ABLIM2: variants seen among roughly 807,000 people sequenced by gnomAD.
ABLIM2 encodes the protein actin-binding LIM protein 2.
A neutral mutation model predicts 97.7 loss-of-function variants in ABLIM2; 53 were observed. The observed-to-expected ratio is 0.54, with a 90% CI of 0.44 to 0.68. ABLIM2 has a LOEUF of 0.68. Among genes scored for constraint, ABLIM2 ranks in the 30% least tolerant of loss-of-function variants. The probability of loss-of-function intolerance (pLI) is 0.00; values close to 1 mark genes in which losing one functional copy is unlikely to be tolerated. For synonymous variants in ABLIM2, 361 were observed against 345.8 expected (o/e 1.04, Z -0.49); for missense variants, 835 against 867.2 (o/e 0.96, Z 0.47).
intron 3 of ABLIM2, among the ~76,000 whole-genome samples, chr4:8,092,333 A>T (rs7669966): frequency 0.28 from 42,727 of 151,954 alleles, 6,047 homozygotes; most frequent in East Asian, 0.32. Context: ...TGTGAAAGAC[A>T]ATAGAATCTC....
rs1159922779 is a variant in ABLIM2, at chr4:8,130,745, C to A, written c.11-24108G>T. Among the ~76,000 whole-genome samples the A allele has an allele frequency of 6.6e-6, 1 of 152,148 alleles. No individual in the cohort carries two copies. The highest frequency in any genetic ancestry group is 1.5e-5 in the Non-Finnish European group (1 of 68,020). On this transcript the variant is annotated intron_variant, in intron 1 of 20. Coordinates refer to ENST00000447017, the MANE Select transcript of ABLIM2 (RefSeq NM_001130083.2). The surrounding 1 kb of genome is among the most constrained non-coding windows in gnomAD (Gnocchi z 4.2). ...TAGCCAGGCCCAGGGAGGGGAGAGACGGTCTGGGCAGAGAGCAGTACAACA... is the reference window on the plus strand; with the variant it reads ...TAGCCAGGCCCAGGGAGGGGAGAGAAGGTCTGGGCAGAGAGCAGTACAACA...
Position 8,091,329 on chromosome 4 carries a change from A to T in ABLIM2, c.339-3045T>A, listed in dbSNP as rs866038653. Among the ~76,000 whole-genome samples the T allele has an allele frequency of 3.1e-3, 65 of 20,814 alleles. 4 individuals carry two copies. Among genetic ancestry groups the T allele is most frequent in the African/African-American group, 0.019 (58 of 3,078 alleles). 13.7% of individuals were successfully genotyped at this position (20,814 alleles called of 152,430 possible). ...ATTATATATATATAATTATATATAT[A>T]TTATATATATAATATATATATAATT... is the stretch of plus-strand genomic sequence containing the variant. On this transcript the variant is annotated intron_variant, in intron 3 of 20. Coordinates refer to ENST00000447017, the MANE Select transcript of ABLIM2 (RefSeq NM_001130083.2).
At position 8,113,530 on chromosome 4, in the gene ABLIM2, C is replaced by T. The variant is rs1841342948; in HGVS notation, c.11-6893G>A. ...TTGGCCAAAGACCAGCAGCTGTGCT[C>T]GCCTTGTTCTCTTGCTTTCCTCATT... On this transcript the variant is annotated intron_variant, in intron 1 of 20. Transcript: ENST00000447017. This position sits in a 1 kb window ranked among gnomAD's most constrained non-coding sequence, Gnocchi z 4.5. 1.3e-5 allele frequency among the ~76,000 whole-genome samples: 2 copies of T among 152,212 alleles called. No homozygotes were observed. Among genetic ancestry groups the T allele is most frequent in the Admixed American group, 1.3e-4 (2 of 15,286 alleles).
intron 11 of ABLIM2, among the ~76,000 whole-genome samples, chr4:8,028,770 T>G (rs896777281): frequency 1.7e-4 from 26 of 152,232 alleles, no homozygotes; most frequent in Non-Finnish European, 3.4e-4. Context: ...CATTCACTCA[T>G]GCACTCACTC....
chr4:8,113,384 C>T lies in ABLIM2; in HGVS notation c.11-6747G>A, dbSNP rs1040056439. Among the ~76,000 whole-genome samples, 5 of 152,170 alleles carry T rather than the reference C, an allele frequency of 3.3e-5. No homozygotes were observed. The highest frequency in any genetic ancestry group is 2.0e-4 in the Admixed American group (3 of 15,270). The stretch of plus-strand genomic sequence containing the variant: ...TGCTGGGATTACAGGCATGAGCCAC[C>T]GTGCCTGGCTGGGGATTTGCTTGAC... On this transcript the variant is annotated intron_variant, in intron 1 of 20. Coordinates refer to ENST00000447017, the MANE Select transcript of ABLIM2 (RefSeq NM_001130083.2). This position sits in a 1 kb window ranked among gnomAD's most constrained non-coding sequence, Gnocchi z 4.5.
In ABLIM2 at chr4:8,082,293, C is replaced by T. The variant is rs981776010; in HGVS notation, c.455-1491G>A. 1.3e-5 allele frequency among the ~76,000 whole-genome samples: 2 copies of T among 152,310 alleles called. No homozygotes were observed. Among genetic ancestry groups the T allele is most frequent in the East Asian group, 1.9e-4 (1 of 5,184 alleles). On this transcript the variant is annotated intron_variant, in intron 4 of 20. Transcript: ENST00000447017. The surrounding 1 kb of genome is among the most constrained non-coding windows in gnomAD (Gnocchi z 5.6). ...CCACTATGCGCTGGGTCACACTGAG[C>T]GTATTCCTCCTGCGGGAGCCCCCAT...
rs369991296 is a variant in ABLIM2, at chr4:8,027,724, T to C, written c.1267+35A>G. ...CACAGACGCCGGGCGTGGACACCCA[T>C]GAGCACCCACAGCCCACATCACTGC... is the stretch of plus-strand genomic sequence containing the variant. On this transcript the variant is annotated intron_variant, in intron 12 of 20. Transcript: ENST00000447017. 5.6e-4 allele frequency: 830 copies of C among 1,488,008 alleles called. 4 individuals carry two copies. The Middle Eastern group carries it at 0.016, about 29-fold the overall frequency. 92.2% of individuals were successfully genotyped at this position (1,488,008 alleles called of 1,614,324 possible). A position where few individuals can be genotyped will look rare whatever the true frequency, so the allele number is the denominator to read the frequency against.
chr4:8,036,094 G>GC (rs1210213232), intron 10 of ABLIM2, 55 bp downstream of exon 10: 2 of 1,595,664 alleles, frequency 1.3e-6, no homozygotes, highest in Non-Finnish European at 1.7e-6. Flanking sequence ...CGCCTGTCCT[G>GC]CAGGGCAGCA....
intron 5 of ABLIM2, among the ~76,000 whole-genome samples, chr4:8,078,049 C>T (rs370339922): frequency 6.6e-6 from 1 of 152,198 alleles, no homozygotes; most frequent in African/African-American, 2.4e-5. Flanking sequence ...CTTTCTGGCT[C>T]CTTCCATCCA....
rs766029851 is a variant in ABLIM2 at position 8,087,761 on chromosome 4, G to A, written c.454+408C>T. ...GAAAGCAGCAGTGGGCATTAGATGG[G>A]AAAGCAGCAGTGGGCATTAGATGGG... On this transcript the variant is annotated intron_variant, in intron 4 of 20. Coordinates refer to ENST00000447017, the MANE Select transcript of ABLIM2 (RefSeq NM_001130083.2). The surrounding 1 kb of genome is among the most constrained non-coding windows in gnomAD (Gnocchi z 4.6). 1.3e-5 allele frequency among the ~76,000 whole-genome samples: 2 copies of A among 152,130 alleles called. No individual in the cohort carries two copies. Among genetic ancestry groups the A allele is most frequent in the Non-Finnish European group, 2.9e-5 (2 of 68,026 alleles).
chr4:8,054,160 A>C lies in ABLIM2; in HGVS notation c.822+28T>G. ...ATGGTGCAGGAGCAGTGAAGGGTAC[A>C]TCAGAGACACCAGTGAATGCCACCA... On this transcript the variant is annotated intron_variant, in intron 8 of 20. Coordinates refer to ENST00000447017, the MANE Select transcript of ABLIM2 (RefSeq NM_001130083.2). The surrounding 1 kb of genome is among the most constrained non-coding windows in gnomAD (Gnocchi z 4.9). 6.2e-7 allele frequency: 1 copy of C among 1,612,806 alleles called. No homozygotes were observed. Among genetic ancestry groups the C allele is most frequent in the Non-Finnish European group, 8.5e-7 (1 of 1,178,772 alleles).
chr4:8,082,937 TG>T lies in ABLIM2; in HGVS notation c.455-2136del, dbSNP rs1305520016. On this transcript the variant is annotated intron_variant, in intron 4 of 20. Transcript: ENST00000447017. The surrounding 1 kb of genome is among the most constrained non-coding windows in gnomAD (Gnocchi z 5.6). ...TGATGAGGCACATTTTGCAAAGCTC[TG>T]CATCAGTGGCTCTCAACTTGGGGCA... Among the ~76,000 whole-genome samples, 2 of 152,230 alleles carry T rather than the reference TG, an allele frequency of 1.3e-5. No homozygotes were observed. Among genetic ancestry groups the T allele is most frequent in the East Asian group, 1.9e-4 (1 of 5,196 alleles).
chr4:8,126,291 C>T (rs553951384), intron 1 of ABLIM2, among the ~76,000 whole-genome samples: 4 of 152,248 alleles, frequency 2.6e-5, no homozygotes, highest in South Asian at 2.1e-4. Context: ...CACCAGGCCT[C>T]GTGCCCACAC....
Position 7,966,376 on chromosome 4 carries a change from C to A in ABLIM2, c.*614G>T, listed in dbSNP as rs550677254. 6.5e-6 allele frequency: 1 copy of A among 152,692 alleles called. No homozygotes were observed. Among genetic ancestry groups the A allele is most frequent in the Non-Finnish European group, 1.5e-5 (1 of 68,108 alleles). 9.5% of individuals were successfully genotyped at this position (152,692 alleles called of 1,614,324 possible). On this transcript the variant is annotated 3_prime_UTR_variant, in exon 21 of 21. Transcript: ENST00000447017. ...TCTAGGGGTCGATCTGGAGGAGGAA[C>A]GCAGCGCATGGAGGGGCGCTGGCGG...
intron 16 of ABLIM2, chr4:8,007,363 AG>A: frequency 4.1e-6 from 4 of 985,416 alleles, no homozygotes; most frequent in Non-Finnish European, 4.8e-6. Context: ...ATCCTCTCCC[AG>A]CCCCTGCTTC....
At chr4:8,131,065 T>G (rs1291218776) in intron 1 of ABLIM2, among the ~76,000 whole-genome samples, 2 of 152,188 alleles carry the variant, frequency 1.3e-5, no homozygotes, top group Admixed American at 1.3e-4. Flanking sequence ...TTAGAATAAC[T>G]GTGATGGCAC....
intron 20 of ABLIM2, among the ~76,000 whole-genome samples, chr4:7,981,221 G>C (rs1738122306): frequency 6.6e-6 from 1 of 152,040 alleles, no homozygotes; most frequent in Non-Finnish European, 1.5e-5. Flanking sequence ...GGGATTACAG[G>C]CATGAGCCAC....
rs528568659 is a variant in ABLIM2, at chr4:8,001,236, A to G, written c.1618+6823T>C. 6.6e-6 allele frequency among the ~76,000 whole-genome samples: 1 copy of G among 152,298 alleles called. No homozygotes were observed. The highest frequency in any genetic ancestry group is 2.1e-4 in the South Asian group (1 of 4,812). The stretch of plus-strand genomic sequence containing the variant: ...GGCCCAGGCAGCATTGGAGGAGGAC[A>G]GAGGAGGCCCTGGGGCTGTGGCTAT... On this transcript the variant is annotated intron_variant, in intron 16 of 20. Coordinates refer to ENST00000447017, the MANE Select transcript of ABLIM2 (RefSeq NM_001130083.2). The surrounding 1 kb of genome is among the most constrained non-coding windows in gnomAD (Gnocchi z 4.2).
chr4:8,049,172 G>C (rs969376922), intron 8 of ABLIM2, among the ~76,000 whole-genome samples: 1 of 151,900 alleles, frequency 6.6e-6, no homozygotes, highest in Non-Finnish European at 1.5e-5. Flanking sequence ...GGGGCTCCTT[G>C]TGGGCAGGGA....
Sources: gnomAD v4.1 joint callset for allele counts (sites outside exome capture counted in the v4.1 genomes callset) on GRCh38, gnomAD v4.1.1 for gene constraint, Gnocchi (gnomAD v3.1) non-coding constraint, MANE v1.5 for transcripts, NCBI Gene and HGNC (gene_info 2026-07-23, HGNC 2026-07-21) for gene names.